CDK11B: variants seen among roughly 807,000 people sequenced by gnomAD.
CDK11B encodes the protein cyclin-dependent kinase 11B.
Under a neutral mutation model 84.0 loss-of-function variants are expected in CDK11B, and 37 were observed. That is an observed-to-expected ratio of 0.44 (90% CI 0.34 to 0.58). CDK11B has a LOEUF of 0.58. CDK11B is among the 20% of genes least tolerant of loss of function. The pLI, the probability that CDK11B is intolerant of heterozygous loss-of-function variation, is 0.02. For missense variants in CDK11B, 427 were observed against 834.0 expected (o/e 0.51, Z 6.01); for synonymous variants, 269 against 309.8 (o/e 0.87, Z 1.38).
At chr1:1,647,422 C>T (rs1641308358) in intron 5 of CDK11B, among the ~76,000 whole-genome samples, 6 of 152,278 alleles carry the variant, frequency 3.9e-5, no homozygotes, top group Admixed American at 3.9e-4. Flanking sequence ...GTGGCCACCC[C>T]GTTCCTTCCC....
At position 1,640,402 on chromosome 1, in the gene CDK11B, C is replaced by T. The variant is rs371344302; in HGVS notation, c.1126G>A (p.Glu376Lys). The change falls in exon 11 of 20, where the codon GAA becomes AAA. Residue 376 changes from glutamate to lysine, a missense_variant. By Grantham distance (56) the Glu-to-Lys change is moderately conservative. Transcript: ENST00000341832. The stretch of plus-strand genomic sequence containing the variant: ...TGCGGCGTTCCCTCACCCACTTCTT[C>T]CTCTGCTTCTTCACTCTCCCCGGAA... ...RDSGESEEAE[E>K]EVGEGTPQSS... 1.8e-4 allele frequency: 296 copies of T among 1,613,542 alleles called. No individual in the cohort carries two copies. Among genetic ancestry groups the T allele is most frequent in the East Asian group, 2.2e-5 (1 of 44,886 alleles).
chr1:1,646,332 T>G, intron 5 of CDK11B: 1 of 458,162 alleles, frequency 2.2e-6, no homozygotes, highest in South Asian at 1.6e-5. Context: ...CATACCATTT[T>G]AATTTATTTG....
rs966285229 is a variant in CDK11B at position 1,639,454 on chromosome 1, T to C, written c.1251+823A>G. 8.2e-4 allele frequency among the ~76,000 whole-genome samples: 125 copies of C among 151,596 alleles called. 5 individuals are homozygous for C. Among genetic ancestry groups the C allele is most frequent in the Admixed American group, 7.9e-3 (121 of 15,260 alleles). On this transcript the variant is annotated intron_variant, in intron 11 of 19. Coordinates refer to ENST00000341832, the MANE Select transcript of CDK11B (RefSeq NM_033486.3). ...CATCCCAAGAGTCTCTTTGTCAAAC[T>C]GGATGTGTCCCCTGCTTGTACCAGG...
chr1:1,636,049 AG>A lies in CDK11B; in HGVS notation c.2143del (p.Leu715SerfsTer20). ...LKHEYFRETP[L>X]PIDPSMFPTW... is the part of the protein sequence containing the mutation. ...GGGGAACATGGAGGGGTCGATGGGG[AG>A]GGGGGTCTCGCGGAAATACTCATGC... On this transcript the variant is annotated frameshift_variant, in exon 19 of 20. Coordinates refer to ENST00000341832, the MANE Select transcript of CDK11B (RefSeq NM_033486.3). LOFTEE classifies it high-confidence loss of function. 2 of 443,426 alleles carry A rather than the reference AG, an allele frequency of 4.5e-6. No individual in the cohort carries two copies. Among genetic ancestry groups the A allele is most frequent in the Non-Finnish European group, 7.6e-6 (2 of 261,484 alleles). 27.5% of individuals were successfully genotyped at this position (443,426 alleles called of 1,614,324 possible).
intron 12 of CDK11B, 113 bp from the exon 13 acceptor site, chr1:1,637,996 G>A: frequency 2.6e-6 from 4 of 1,521,172 alleles, no homozygotes; most frequent in Non-Finnish European, 3.6e-6. Flanking sequence ...ATTTCACGGA[G>A]GGGGGTCTCG....
chr1:1,648,929 C>T (rs920269125), intron 5 of CDK11B, among the ~76,000 whole-genome samples: 7 of 151,756 alleles, frequency 4.6e-5, no homozygotes, highest in Non-Finnish European at 7.4e-5. Context: ...CCACCGCGCC[C>T]GGCCGGACAT....
intron 5 of CDK11B, among the ~76,000 whole-genome samples, chr1:1,648,321 A>G (rs1463150300): frequency 6.6e-6 from 1 of 152,234 alleles, no homozygotes; most frequent in Non-Finnish European, 1.5e-5. Flanking sequence ...AATGTCTGGC[A>G]CAGGGTGTGG....
intron 2 of CDK11B, among the ~76,000 whole-genome samples, chr1:1,656,205 G>C (rs560783547): frequency 1.3e-5 from 2 of 152,144 alleles, no homozygotes; most frequent in Admixed American, 1.3e-4. Context: ...GTTTGGTTTA[G>C]GTCAGGCATG....
intron 1 of CDK11B, 56 bp from the exon 2 acceptor site, chr1:1,657,554 A>G: frequency 8.2e-7 from 1 of 1,213,424 alleles, no homozygotes; most frequent in Non-Finnish European, 1.1e-6. Flanking sequence ...TATGGTGCTG[A>G]ACACTTGAAC....
At chr1:1,639,684 C>T (rs1033311995) in intron 11 of CDK11B, among the ~76,000 whole-genome samples, 3 of 151,922 alleles carry the variant, frequency 2.0e-5, no homozygotes, top group Non-Finnish European at 4.4e-5. Flanking sequence ...CTGCTGCATG[C>T]GCCAGAGAGA....
At chr1:1,651,574 G>A (rs1317538079) in intron 4 of CDK11B, among the ~76,000 whole-genome samples, 50,838 of 142,208 alleles carry the variant, frequency 0.36, 9,292 homozygotes, top group African/African-American at 0.51. Flanking sequence ...GCTTTCAGCT[G>A]GAGTTTGCTC....
intron 2 of CDK11B, among the ~76,000 whole-genome samples, chr1:1,656,091 C>T (rs1022817848): frequency 1.3e-5 from 2 of 152,154 alleles, no homozygotes; most frequent in Non-Finnish European, 2.9e-5. Flanking sequence ...CTTTGTGATA[C>T]CTCATATGGT....
At chr1:1,647,862 G>A (rs553860929) in intron 5 of CDK11B, among the ~76,000 whole-genome samples, 25 of 152,312 alleles carry the variant, frequency 1.6e-4, no homozygotes, top group Admixed American at 1.4e-3. Context: ...TTCCAAGGCA[G>A]CAAGGAAACT....
chr1:1,645,886 T>A, intron 5 of CDK11B: 1 of 349,406 alleles, frequency 2.9e-6, no homozygotes, highest in South Asian at 2.2e-5. Context: ...TCACCCAGGC[T>A]GGAGTGCAGT....
intron 3 of CDK11B, among the ~76,000 whole-genome samples, chr1:1,654,883 C>G (rs199976194): frequency 6.6e-6 from 1 of 151,798 alleles, no homozygotes; most frequent in South Asian, 2.1e-4. Flanking sequence ...TGGTCTTGAT[C>G]TTCTGACCTT....
chr1:1,652,252 C>T (rs1243313580), intron 4 of CDK11B, among the ~76,000 whole-genome samples, 187 bp downstream of exon 4: 5 of 152,248 alleles, frequency 3.3e-5, no homozygotes, highest in South Asian at 4.1e-4. Flanking sequence ...CGGTCTGTGA[C>T]GCACGCATGC....
At chr1:1,657,211 T>C (rs1448446842) in intron 2 of CDK11B, 164 bp downstream of exon 2, 5 of 1,613,932 alleles carry the variant, frequency 3.1e-6, no homozygotes, top group Admixed American at 1.7e-5. Context: ...GTCAACTGAA[T>C]ATTTGAATGT....
At chr1:1,653,370 G>C (rs987829637) in intron 3 of CDK11B, among the ~76,000 whole-genome samples, 11 of 151,200 alleles carry the variant, frequency 7.3e-5, no homozygotes, top group Non-Finnish European at 1.5e-5. Flanking sequence ...CCCCAGCCTA[G>C]AGTGCAGAGG....
At chr1:1,655,284 C>T in intron 3 of CDK11B, 85 bp downstream of exon 3, 1 of 1,479,712 alleles carries the variant, frequency 6.8e-7, no homozygotes. Flanking sequence ...TACAACAGCA[C>T]ACAGTTGTCA....
Sources: gnomAD v4.1 joint callset for allele counts (sites outside exome capture counted in the v4.1 genomes callset) on GRCh38, gnomAD v4.1.1 for gene constraint, MANE v1.5 for transcripts, NCBI Gene and HGNC (gene_info 2026-07-23, HGNC 2026-07-21) for gene names.